Variants in PTPRG observed in about 807,000 individuals in gnomAD.
PTPRG encodes receptor-type tyrosine-protein phosphatase gamma.
In PTPRG, 102 loss-of-function variants were observed where a neutral mutation model predicts 165.3. That is an observed-to-expected ratio of 0.62 (90% confidence interval 0.53 to 0.73). PTPRG has a LOEUF of 0.73. PTPRG is among the 30% of genes least tolerant of loss of function. The pLI is 0.00. For missense variants in PTPRG, 1,866 were observed against 1,861.4 expected, an observed-to-expected ratio of 1.00 and a Z score of -0.05; for synonymous variants, 675 against 669.5, an observed-to-expected ratio of 1.01 and a Z score of -0.13.
At chr3:61,972,397 C>G (rs1164715989) in intron 2 of PTPRG, among the ~76,000 whole-genome samples, 2 of 149,058 alleles carry the variant, frequency 1.3e-5, no homozygotes, top group Non-Finnish European at 3.0e-5. Flanking sequence ...ATGTAGCATG[C>G]TGTTGGGGGG....
chr3:61,633,940 G>A (rs114584638), intron 1 of PTPRG, among the ~76,000 whole-genome samples: 6,301 of 151,592 alleles, frequency 0.042, 186 homozygotes, highest in Middle Eastern at 0.065. Context: ...TTTATGAAAG[G>A]GTCTCAGTCT....
At chr3:61,753,588 T>TTTTC in intron 2 of PTPRG, 1 of 411,162 alleles carries the variant, frequency 2.4e-6, no homozygotes, top group Non-Finnish European at 4.8e-6. Context: ...TTTGAGGGTT[T>TTTTC]TTTTTTTTTT....
intron 2 of PTPRG, among the ~76,000 whole-genome samples, chr3:61,798,195 G>A (rs192476001): frequency 3.3e-5 from 5 of 152,278 alleles, no homozygotes; most frequent in Admixed American, 1.3e-4. Flanking sequence ...CTTTTAAAGA[G>A]TTTATTAGCT....
intron 2 of PTPRG, among the ~76,000 whole-genome samples, chr3:61,828,197 A>T (rs531432021): frequency 1.3e-5 from 2 of 152,358 alleles, no homozygotes; most frequent in East Asian, 3.9e-4. Context: ...CGTTTCTACG[A>T]AATACAATAA....
intron 2 of PTPRG, among the ~76,000 whole-genome samples, chr3:61,809,830 T>C (rs911817398): frequency 1.3e-5 from 2 of 152,200 alleles, no homozygotes; most frequent in African/African-American, 2.4e-5. Context: ...CGGAAGCTTT[T>C]TGAGCGGGTG....
At chr3:61,913,915 G>A (rs911743329) in intron 2 of PTPRG, among the ~76,000 whole-genome samples, 8 of 152,178 alleles carry the variant, frequency 5.3e-5, no homozygotes, top group South Asian at 2.1e-4. Flanking sequence ...ACTGAGAGGC[G>A]TGGTCTTAGA....
At chr3:62,038,934 G>A (rs1157672574) in intron 4 of PTPRG, among the ~76,000 whole-genome samples, 2 of 151,838 alleles carry the variant, frequency 1.3e-5, no homozygotes, top group African/African-American at 2.4e-5. Context: ...TTTCCTGATC[G>A]GAGAGAGATT....
At chr3:61,903,528 T>C (rs1266936417) in intron 2 of PTPRG, among the ~76,000 whole-genome samples, 1 of 152,082 alleles carries the variant, frequency 6.6e-6, no homozygotes, top group Non-Finnish European at 1.5e-5. Context: ...TGCCTACCAC[T>C]AAGCCTGGCT....
chr3:61,728,916 G>T (rs1271311619), intron 1 of PTPRG, among the ~76,000 whole-genome samples: 3 of 151,206 alleles, frequency 2.0e-5, no homozygotes, highest in African/African-American at 4.9e-5. Flanking sequence ...AAAAAAATTA[G>T]CTGGACATGG....
chr3:61,669,607 T>C (rs1324979309), intron 1 of PTPRG, among the ~76,000 whole-genome samples: 1 of 152,222 alleles, frequency 6.6e-6, no homozygotes, highest in Non-Finnish European at 1.5e-5. Context: ...TATTGTTGAA[T>C]GAATGGATGT....
chr3:61,963,694 A>T (rs1015181839), intron 2 of PTPRG, among the ~76,000 whole-genome samples: 2 of 152,174 alleles, frequency 1.3e-5, no homozygotes, highest in Admixed American at 6.5e-5. Flanking sequence ...GGATAATTTG[A>T]ACTGTAGAAT....
intron 1 of PTPRG, among the ~76,000 whole-genome samples, chr3:61,586,746 G>T (rs1700445359): frequency 6.6e-6 from 1 of 152,196 alleles, no homozygotes. Context: ...TTGTTTCGGG[G>T]CTGCCTCCCA....
intron 5 of PTPRG, among the ~76,000 whole-genome samples, chr3:62,128,981 C>G (rs2106916687): frequency 6.6e-6 from 1 of 152,156 alleles, no homozygotes; most frequent in East Asian, 1.9e-4. Context: ...AGAGAATGAG[C>G]TCAGTATTAT....
intron 4 of PTPRG, among the ~76,000 whole-genome samples, chr3:62,058,586 T>C (rs1468921186): frequency 3.3e-5 from 5 of 152,192 alleles, no homozygotes; most frequent in Non-Finnish European, 7.3e-5. Flanking sequence ...CCAAGCTTCA[T>C]TCTTGCCCTG....
chr3:61,943,906 T>C (rs1477532618), intron 2 of PTPRG, among the ~76,000 whole-genome samples: 2 of 152,202 alleles, frequency 1.3e-5, no homozygotes, highest in Non-Finnish European at 2.9e-5. Context: ...AGCCAGAGTG[T>C]AGGTAGCAGT....
At chr3:61,943,131 AAC>A (rs769357417) in intron 2 of PTPRG, among the ~76,000 whole-genome samples, 11 of 152,200 alleles carry the variant, frequency 7.2e-5, no homozygotes, top group African/African-American at 1.4e-4. Flanking sequence ...TCAGGTACCA[AAC>A]ACAGAAAAAT....
rs1701326382 is a variant in PTPRG, at chr3:61,617,381, T to G, written c.85+55009T>G. 2.6e-5 allele frequency among the ~76,000 whole-genome samples: 4 copies of G among 152,200 alleles called. No individual in the cohort carries two copies. The South Asian group carries it at 8.3e-4, about 32-fold the overall frequency. On this transcript the variant is annotated intron_variant, in intron 1 of 29. Transcript: ENST00000474889. ...CTTCTGGATAAAATAGTCAGGGACT[T>G]GTTCGGCATGTGGGTTGCTCAGGGT...
chr3:61,945,732 AAATT>A (rs1443162837), intron 2 of PTPRG, among the ~76,000 whole-genome samples: 1 of 152,220 alleles, frequency 6.6e-6, no homozygotes, highest in Non-Finnish European at 1.5e-5. Context: ...TAATTTTGCT[AAATT>A]AATAAGATCA....
chr3:62,202,179 G>A (rs565612604), intron 11 of PTPRG, among the ~76,000 whole-genome samples: 221 of 152,282 alleles, frequency 1.5e-3, no homozygotes, highest in African/African-American at 4.9e-3. Context: ...CAGCAGGCAA[G>A]CTAAAATTAG....
Sources: gnomAD v4.1 joint callset for allele counts (sites outside exome capture counted in the v4.1 genomes callset) on GRCh38, gnomAD v4.1.1 for gene constraint, MANE v1.5 for transcripts, NCBI Gene and HGNC (gene_info 2026-07-23, HGNC 2026-07-21) for gene names.